The following ZNF75D variants were observed in gnomAD, a reference collection of about 807,000 sequenced individuals.
The protein encoded by ZNF75D is zinc finger protein 75D.
Under a neutral mutation model 33.3 loss-of-function variants are expected in ZNF75D, and 33 were observed. That is an observed-to-expected ratio of 0.99 (90% CI 0.75 to 1.32). ZNF75D has a LOEUF of 1.32. Ranked by LOEUF, ZNF75D falls within the 40% of genes most tolerant of loss-of-function variation. The probability of loss-of-function intolerance (pLI) is 0.00; values close to 1 mark genes in which losing one functional copy is unlikely to be tolerated. For missense variants in ZNF75D, 338 were observed against 367.5 expected (o/e 0.92, Z 0.66); for synonymous variants, 113 against 130.6 (o/e 0.87, Z 0.92).
rs1393578512 is a variant in ZNF75D, at chrX:135,258,323, A to G, written n.828-2546T>C. On this transcript the variant is annotated intron_variant and non_coding_transcript_variant, in intron 1 of 3. Transcript: ENST00000494295. Reference sequence around the variant, plus strand: ...TGGGTATATACCCAGTAATGTGATTACTGGGTCAAATGGTAATTCTAGTTC... The same window carrying G: ...TGGGTATATACCCAGTAATGTGATTGCTGGGTCAAATGGTAATTCTAGTTC... 2.3e-4 allele frequency among the ~76,000 whole-genome samples: 25 copies of G among 110,508 alleles called. No homozygotes were observed. In the Middle Eastern group the frequency reaches 0.014, roughly 62 times the overall value.
intron 1 of ZNF75D, among the ~76,000 whole-genome samples, chrX:135,257,040 G>A (rs2083806025): frequency 9.0e-6 from 1 of 111,501 alleles, no homozygotes; most frequent in African/African-American, 3.3e-5. Flanking sequence ...GAGATGCAGG[G>A]AGTAAGCCAT....
chrX:135,321,327 C>T (rs957598898), intron 1 of ZNF75D, among the ~76,000 whole-genome samples: 1 of 112,231 alleles, frequency 8.9e-6, no homozygotes, highest in African/African-American at 3.2e-5. Context: ...TTGGAGGGGA[C>T]ACATTCAAAT....
At chrX:135,330,777 G>A (rs2084641924) in intron 1 of ZNF75D, 1 of 112,680 alleles carries the variant, frequency 8.9e-6, no homozygotes, top group Non-Finnish European at 1.9e-5. Flanking sequence ...GGTTTGATAT[G>A]TTTTTATGCT....
Position 135,258,598 on chromosome X carries a change from G to C in ZNF75D, n.828-2821C>G, listed in dbSNP as rs955593109. On this transcript the variant is annotated intron_variant and non_coding_transcript_variant, in intron 1 of 3. Transcript: ENST00000494295. ...GTTGGCTGCATAGATGTCTTCTTTT[G>C]AGAAGTGTCTATTCATATCCTTTGC... Among the ~76,000 whole-genome samples the C allele has an allele frequency of 3.6e-5, 4 of 111,725 alleles. No homozygotes were observed. The East Asian group carries it at 1.1e-3, about 31-fold the overall frequency.
At chrX:135,309,909 G>A (rs1556427188) in intron 1 of ZNF75D, among the ~76,000 whole-genome samples, 2 of 111,572 alleles carry the variant, frequency 1.8e-5, no homozygotes, top group Non-Finnish European at 3.8e-5. Flanking sequence ...CAGACACAGA[G>A]CAGAGAGTGA....
At chrX:135,324,756 C>T (rs782764938) in intron 1 of ZNF75D, among the ~76,000 whole-genome samples, 2 of 112,422 alleles carry the variant, frequency 1.8e-5, no homozygotes, top group South Asian at 7.4e-4. Context: ...ATTAGGAGAA[C>T]CAGAATTGAG....
chrX:135,250,667 G>A (rs1446057759), intron 3 of ZNF75D, among the ~76,000 whole-genome samples: 1 of 99,924 alleles, frequency 1.0e-5, no homozygotes, highest in Non-Finnish European at 2.0e-5. Context: ...TGGAGGTCTT[G>A]AACTCCTGGG....
At chrX:135,257,071 T>A (rs1157373866) in intron 1 of ZNF75D, among the ~76,000 whole-genome samples, 1 of 111,291 alleles carries the variant, frequency 9.0e-6, no homozygotes, top group Admixed American at 9.5e-5. Context: ...CTCTGAGGCG[T>A]GCTGACTTCA....
chrX:135,311,326 C>T (rs2148482802), intron 1 of ZNF75D, among the ~76,000 whole-genome samples: 1 of 112,280 alleles, frequency 8.9e-6, no homozygotes, highest in Admixed American at 9.4e-5. Flanking sequence ...GTGCAATCAG[C>T]AGCTGACAGC....
chrX:135,339,834 G>T (rs1162074753), intron 1 of ZNF75D, among the ~76,000 whole-genome samples: 1 of 111,648 alleles, frequency 9.0e-6, no homozygotes, highest in African/African-American at 3.3e-5. Flanking sequence ...CTCTCCGAAA[G>T]ATTTGAGGTT....
intron 4 of ZNF75D, 118 bp downstream of exon 4, chrX:135,292,163 C>T (rs2084051605): frequency 4.2e-6 from 3 of 721,059 alleles, no homozygotes; most frequent in African/African-American, 4.3e-5. Context: ...GTACTCCCAC[C>T]TGGGAGACAT....
chrX:135,261,743 T>C (rs1402171860), intron 1 of ZNF75D, among the ~76,000 whole-genome samples: 5 of 112,101 alleles, frequency 4.5e-5, no homozygotes, highest in Non-Finnish European at 7.5e-5. Flanking sequence ...GTCTTGACTC[T>C]TTATCCAATT....
chrX:135,268,154 T>C (rs1556416510), intron 1 of ZNF75D, among the ~76,000 whole-genome samples: 1 of 98,016 alleles, frequency 1.0e-5, no homozygotes, highest in Non-Finnish European at 2.1e-5. Context: ...ACATCTAGTA[T>C]GCTGAATGGG....
intron 1 of ZNF75D, among the ~76,000 whole-genome samples, chrX:135,303,915 C>A (rs1458188952): frequency 8.9e-6 from 1 of 112,590 alleles, no homozygotes; most frequent in Non-Finnish European, 1.9e-5. Context: ...AAAGTTAATC[C>A]AGAGGACAAG....
chrX:135,256,726 A>G (rs1380567273), intron 1 of ZNF75D, among the ~76,000 whole-genome samples: 2 of 111,060 alleles, frequency 1.8e-5, no homozygotes, highest in Non-Finnish European at 3.8e-5. Flanking sequence ...AGCAATTAAA[A>G]CGTCCCCTTA....
downstream of ZNF75D, among the ~76,000 whole-genome samples, chrX:135,283,216 C>T (rs782696195): frequency 8.9e-6 from 1 of 111,924 alleles, no homozygotes; most frequent in South Asian, 3.8e-4. Context: ...CCCTTTATAT[C>T]TCATGATTGA....
chrX:135,289,072 T>G (rs1301254146), intron 6 of ZNF75D, among the ~76,000 whole-genome samples: 1 of 112,640 alleles, frequency 8.9e-6, no homozygotes, highest in Non-Finnish European at 1.9e-5. Context: ...TTTGCCTACT[T>G]CTCTTTGATA....
chrX:135,261,001 T>C (rs1215796419), intron 1 of ZNF75D, among the ~76,000 whole-genome samples: 1 of 112,571 alleles, frequency 8.9e-6, no homozygotes, highest in African/African-American at 3.2e-5. Context: ...GTTGTGTCTT[T>C]GTTCTCATTG....
intron 2 of ZNF75D, among the ~76,000 whole-genome samples, 179 bp from the exon 3 acceptor site, chrX:135,294,437 CTT>C (rs2084095114): frequency 8.9e-6 from 1 of 112,085 alleles, no homozygotes; most frequent in African/African-American, 3.2e-5. Context: ...AGTTTCTCTC[CTT>C]TTCTTTGTTT....
Sources: allele counts gnomAD v4.1 joint callset (sites outside exome capture counted in the v4.1 genomes callset), GRCh38; gene constraint gnomAD v4.1.1; transcripts MANE v1.5; gene names NCBI Gene and HGNC (gene_info 2026-07-23, HGNC 2026-07-21).